The following GRIK3 variants were observed in gnomAD, a reference collection of about 807,000 sequenced individuals.
GRIK3 encodes the protein glutamate receptor ionotropic, kainate 3.
A neutral mutation model predicts 102.5 loss-of-function variants in GRIK3; 29 were observed. The observed-to-expected ratio is 0.28, with a 90% CI of 0.21 to 0.39. The LOEUF (loss-of-function observed/expected upper bound fraction) is 0.39. GRIK3 is among the 10% of genes least tolerant of loss of function. The pLI is 1.00. For synonymous variants in GRIK3, 511 were observed against 504.9 expected (o/e 1.01, Z -0.16); for missense variants, 908 against 1,252.4 (o/e 0.73, Z 4.15).
chr1:36,988,239 C>T (rs1320728895), intron 1 of GRIK3, among the ~76,000 whole-genome samples: 4 of 152,070 alleles, frequency 2.6e-5, no homozygotes, highest in Non-Finnish European at 5.9e-5. Context: ...TGCAGTGAGC[C>T]GAGGTCGCAC....
intron 10 of GRIK3, among the ~76,000 whole-genome samples, chr1:36,837,334 C>T (rs544184732): frequency 2.8e-4 from 42 of 152,292 alleles, no homozygotes; most frequent in Middle Eastern, 3.4e-3. Flanking sequence ...CTCCAGGGGG[C>T]TTTTGATGTG....
At chr1:36,976,253 C>T (rs1642194928) in intron 1 of GRIK3, among the ~76,000 whole-genome samples, 1 of 152,174 alleles carries the variant, frequency 6.6e-6, no homozygotes, top group African/African-American at 2.4e-5. Flanking sequence ...AGGCTCTCGA[C>T]TCCTTCCCTT....
intron 1 of GRIK3, among the ~76,000 whole-genome samples, chr1:37,017,150 G>C (rs1642659699): frequency 6.6e-6 from 1 of 151,668 alleles, no homozygotes; most frequent in Admixed American, 6.6e-5. Flanking sequence ...TAGAGGTGGG[G>C]GTTGCAGTGA....
intron 1 of GRIK3, among the ~76,000 whole-genome samples, chr1:37,011,936 G>A (rs1448319341): frequency 6.6e-6 from 1 of 152,098 alleles, no homozygotes; most frequent in East Asian, 1.9e-4. Flanking sequence ...GGGGGACGTG[G>A]GCAGATGGAT....
At chr1:36,927,551 G>A (rs1453519487) in intron 1 of GRIK3, among the ~76,000 whole-genome samples, 2 of 152,052 alleles carry the variant, frequency 1.3e-5, no homozygotes, top group Non-Finnish European at 2.9e-5. Context: ...TGTGACCTCC[G>A]TTCATTCAGG....
At chr1:37,007,947 G>C (rs1035498292) in intron 1 of GRIK3, among the ~76,000 whole-genome samples, 1 of 152,194 alleles carries the variant, frequency 6.6e-6, no homozygotes, top group East Asian at 1.9e-4. Context: ...CTGAGGGCTC[G>C]AGTGCTCTTC....
chr1:36,887,169 C>T lies in GRIK3; in HGVS notation c.292+3751G>A, dbSNP rs559630240. 2.6e-5 allele frequency among the ~76,000 whole-genome samples: 4 copies of T among 152,248 alleles called. No homozygotes were observed. The East Asian group carries it at 5.8e-4, about 22-fold the overall frequency. On this transcript the variant is annotated intron_variant, in intron 2 of 15. Transcript: ENST00000373091. ...AATAAGCCCAAACCCCTGCCTCCCA[C>T]CATACACAGAAAATCAATGTGAGAT...
At chr1:37,013,352 T>G (rs1335518048) in intron 1 of GRIK3, among the ~76,000 whole-genome samples, 1 of 152,172 alleles carries the variant, frequency 6.6e-6, no homozygotes, top group Non-Finnish European at 1.5e-5. Context: ...GTTAAATAAT[T>G]CAGCAGTGGA....
At chr1:36,991,804 G>C (rs943718150) in intron 1 of GRIK3, among the ~76,000 whole-genome samples, 4 of 152,224 alleles carry the variant, frequency 2.6e-5, no homozygotes, top group African/African-American at 4.8e-5. Flanking sequence ...GTTCTCAGTC[G>C]GGTGGTGAAG....
At chr1:36,825,002 C>T (rs538671269) in intron 11 of GRIK3, among the ~76,000 whole-genome samples, 7 of 152,248 alleles carry the variant, frequency 4.6e-5, no homozygotes, top group Non-Finnish European at 7.4e-5. Context: ...AAACACTGGG[C>T]GAAACCTGTC....
intron 1 of GRIK3, among the ~76,000 whole-genome samples, chr1:36,964,924 G>C (rs1642063687): frequency 6.6e-6 from 1 of 152,206 alleles, no homozygotes; most frequent in African/African-American, 2.4e-5. Context: ...AGCTGAGTCA[G>C]TTTCCTAGGA....
intron 1 of GRIK3, among the ~76,000 whole-genome samples, chr1:36,910,256 G>C (rs1456465745): frequency 1.3e-5 from 2 of 152,062 alleles, no homozygotes; most frequent in Non-Finnish European, 2.9e-5. Context: ...TTGTCCTCAG[G>C]GGCCTGAGCC....
At chr1:36,852,404 C>T (rs1411406339) in intron 8 of GRIK3, among the ~76,000 whole-genome samples, 1 of 152,056 alleles carries the variant, frequency 6.6e-6, no homozygotes, top group African/African-American at 2.4e-5. Flanking sequence ...GCCTGGAGGT[C>T]CAGGAGGGAG....
chr1:36,974,799 CA>C (rs60896978), intron 1 of GRIK3, among the ~76,000 whole-genome samples: 26 of 100,606 alleles, frequency 2.6e-4, no homozygotes, highest in Middle Eastern at 6.3e-3. Flanking sequence ...GACTCTGTCT[CA>C]AAAAAAAAAA....
chr1:36,907,893 G>T (rs1641301885), intron 1 of GRIK3, among the ~76,000 whole-genome samples: 1 of 152,126 alleles, frequency 6.6e-6, no homozygotes, highest in Non-Finnish European at 1.5e-5. Context: ...CCTTTCTCTA[G>T]GGAATTGTTC....
At chr1:36,915,284 T>A (rs1641386342) in intron 1 of GRIK3, among the ~76,000 whole-genome samples, 1 of 152,184 alleles carries the variant, frequency 6.6e-6, no homozygotes, top group African/African-American at 2.4e-5. Flanking sequence ...ACAGTCCACC[T>A]CTTCTCCCCA....
chr1:36,826,009 G>T (rs1642751734), intron 10 of GRIK3, among the ~76,000 whole-genome samples, 183 bp from the exon 11 acceptor site: 1 of 152,170 alleles, frequency 6.6e-6, no homozygotes, highest in African/African-American at 2.4e-5. Flanking sequence ...GTGCTGGGGA[G>T]ACAATGATGA....
At chr1:36,906,405 T>C (rs1641284756) in intron 1 of GRIK3, among the ~76,000 whole-genome samples, 1 of 152,138 alleles carries the variant, frequency 6.6e-6, no homozygotes. Context: ...GAGGAAGACA[T>C]AAAACAATGG....
In GRIK3 at chr1:36,805,230, T is replaced by C; in HGVS notation, c.2322A>G (p.Pro774=). The C allele has an allele frequency of 6.2e-7, 1 of 1,608,984 alleles. No homozygotes were observed. Among genetic ancestry groups the C allele is most frequent in the African/African-American group, 1.3e-5 (1 of 74,984 alleles). The part of the protein sequence containing the change: ...GYGIGTPMGS[P]YRDKITIAIL... ...TGGCGATGGTGATCTTGTCCCGGTATGGGGAGCCTGAGCAGGGAGAAGGGA... is the reference window on the plus strand; with the variant it reads ...TGGCGATGGTGATCTTGTCCCGGTACGGGGAGCCTGAGCAGGGAGAAGGGA... Residue 774 remains proline (P), a synonymous_variant, in exon 15 of 16, where the codon CCA becomes CCG. Coordinates refer to ENST00000373091, the MANE Select transcript of GRIK3 (RefSeq NM_000831.4).
Sources: allele counts gnomAD v4.1 joint callset (sites outside exome capture counted in the v4.1 genomes callset), GRCh38; gene constraint gnomAD v4.1.1; transcripts MANE v1.5; gene names NCBI Gene and HGNC (gene_info 2026-07-23, HGNC 2026-07-21).